Variants in KCNH8 observed in about 807,000 individuals in gnomAD.
KCNH8 encodes the protein voltage-gated delayed rectifier potassium channel KCNH8.
Under a neutral mutation model 103.6 loss-of-function variants are expected in KCNH8, and 70 were observed. The observed-to-expected ratio is 0.68, with a 90% CI of 0.56 to 0.82. The LOEUF (loss-of-function observed/expected upper bound fraction) is 0.82, where lower values mean the gene tolerates loss of function less well. KCNH8 is among the 40% of genes least tolerant of loss of function. KCNH8 has a pLI of 0.00. For missense variants in KCNH8, 1,217 were observed against 1,329.9 expected (o/e 0.92, Z 1.32); for synonymous variants, 498 against 489.4 (o/e 1.02, Z -0.23).
intron 3 of KCNH8, among the ~76,000 whole-genome samples, chr3:19,332,200 C>A (rs528281209): frequency 5.9e-5 from 9 of 152,052 alleles, no homozygotes; most frequent in Non-Finnish European, 1.2e-4. Flanking sequence ...GTTAAAAATT[C>A]TATCACTACA....
chr3:19,466,910 C>T (rs914956568), intron 11 of KCNH8, among the ~76,000 whole-genome samples: 3 of 152,062 alleles, frequency 2.0e-5, no homozygotes, highest in African/African-American at 7.2e-5. Flanking sequence ...ATCTGCCTGC[C>T]TCAGCTTCCC....
chr3:19,156,810 T>A (rs1009878019), intron 1 of KCNH8, among the ~76,000 whole-genome samples: 4 of 152,042 alleles, frequency 2.6e-5, no homozygotes, highest in Non-Finnish European at 5.9e-5. Flanking sequence ...AGGAAATTCT[T>A]CCATGTATTT....
intron 8 of KCNH8, among the ~76,000 whole-genome samples, chr3:19,448,723 G>A (rs1203981354): frequency 6.6e-6 from 1 of 151,962 alleles, no homozygotes; most frequent in Non-Finnish European, 1.5e-5. Flanking sequence ...TGTACATTTT[G>A]ATAGATCCTA....
chr3:19,406,756 C>T (rs2066697762), intron 7 of KCNH8, among the ~76,000 whole-genome samples: 1 of 152,022 alleles, frequency 6.6e-6, no homozygotes, highest in Non-Finnish European at 1.5e-5. Flanking sequence ...TATTCTAAAT[C>T]CCTAATTTTA....
intron 8 of KCNH8, among the ~76,000 whole-genome samples, chr3:19,441,324 T>C (rs1316087483): frequency 2.0e-5 from 3 of 152,212 alleles, no homozygotes; most frequent in African/African-American, 7.2e-5. Flanking sequence ...GCTATGTCCA[T>C]GTTACCTCTA....
intron 5 of KCNH8, among the ~76,000 whole-genome samples, chr3:19,374,223 A>G (rs28771160): frequency 0.42 from 62,554 of 150,014 alleles, 14,165 homozygotes; most frequent in African/African-American, 0.61. Context: ...AAAGTCTCCC[A>G]TTATTAATGT....
chr3:19,314,594 C>T (rs1386951585), intron 3 of KCNH8, among the ~76,000 whole-genome samples: 1 of 151,742 alleles, frequency 6.6e-6, no homozygotes, highest in Non-Finnish European at 1.5e-5. Context: ...AACAAACAAA[C>T]AACAAACAAA....
chr3:19,245,830 C>A (rs529693529), intron 1 of KCNH8, among the ~76,000 whole-genome samples: 1 of 152,146 alleles, frequency 6.6e-6, no homozygotes, highest in Admixed American at 6.5e-5. Context: ...TCAGTTCTAG[C>A]AGCCTTTTGG....
chr3:19,243,316 G>A (rs886794321), intron 1 of KCNH8, among the ~76,000 whole-genome samples: 1 of 152,010 alleles, frequency 6.6e-6, no homozygotes, highest in African/African-American at 2.4e-5. Flanking sequence ...CCTTAAGCAA[G>A]TATCACCTTA....
At chr3:19,416,742 T>G (rs1055957227) in intron 7 of KCNH8, among the ~76,000 whole-genome samples, 1 of 152,190 alleles carries the variant, frequency 6.6e-6, no homozygotes, top group Non-Finnish European at 1.5e-5. Context: ...GGGATCAAAT[T>G]TTTAAAAACT....
chr3:19,168,513 A>G (rs1387836146), intron 1 of KCNH8, among the ~76,000 whole-genome samples: 2 of 152,054 alleles, frequency 1.3e-5, no homozygotes, highest in Non-Finnish European at 2.9e-5. Context: ...ATTCATTTTT[A>G]TCTCCAGTTT....
At chr3:19,305,399 A>C (rs2065117558) in intron 3 of KCNH8, among the ~76,000 whole-genome samples, 1 of 152,134 alleles carries the variant, frequency 6.6e-6, no homozygotes, top group South Asian at 2.1e-4. Flanking sequence ...AAATGTAAAC[A>C]TGAGATTAAG....
At chr3:19,525,383 T>C (rs2069047201) in intron 15 of KCNH8, among the ~76,000 whole-genome samples, 1 of 151,838 alleles carries the variant, frequency 6.6e-6, no homozygotes. Flanking sequence ...CCCCAGATGA[T>C]TCCTATACAC....
chr3:19,183,103 C>T (rs2063471365), intron 1 of KCNH8, among the ~76,000 whole-genome samples: 2 of 152,114 alleles, frequency 1.3e-5, no homozygotes, highest in South Asian at 4.2e-4. Flanking sequence ...AAGCTTTAGG[C>T]ATTCCCATTA....
chr3:19,464,343 T>C (rs2067693175), intron 11 of KCNH8, among the ~76,000 whole-genome samples: 1 of 152,052 alleles, frequency 6.6e-6, no homozygotes, highest in South Asian at 2.1e-4. Context: ...TGGAAGAAAA[T>C]AAACCGTGGC....
intron 3 of KCNH8, among the ~76,000 whole-genome samples, chr3:19,336,979 C>A (rs551773847): frequency 2.0e-5 from 3 of 151,932 alleles, no homozygotes; most frequent in Non-Finnish European, 4.4e-5. Flanking sequence ...TAATAGAAGA[C>A]CCTTTCTAGC....
chr3:19,237,697 A>G (rs2064083559), intron 1 of KCNH8, among the ~76,000 whole-genome samples: 1 of 152,202 alleles, frequency 6.6e-6, no homozygotes. Context: ...AGACTGAGAA[A>G]TCTGTGCAGT....
intron 3 of KCNH8, among the ~76,000 whole-genome samples, chr3:19,291,530 C>G (rs1330591520): frequency 1.3e-5 from 2 of 152,196 alleles, no homozygotes; most frequent in African/African-American, 2.4e-5. Flanking sequence ...GCAGGTTGTT[C>G]AGTTTCCATG....
At chr3:19,366,224 A>ATATTCATATTGCATTATTGTTACT (rs2066009320) in intron 5 of KCNH8, among the ~76,000 whole-genome samples, 1 of 152,032 alleles carries the variant, frequency 6.6e-6, no homozygotes, top group Admixed American at 6.6e-5. Flanking sequence ...AGATACTATA[A>ATATTCATATTGCATTATTGTTACT]TATTCATATT....
Sources: allele counts gnomAD v4.1 joint callset (sites outside exome capture counted in the v4.1 genomes callset), GRCh38; gene constraint gnomAD v4.1.1; transcripts MANE v1.5; gene names NCBI Gene and HGNC (gene_info 2026-07-23, HGNC 2026-07-21).